The following ME1 variants were observed in gnomAD, a reference collection of about 807,000 sequenced individuals.
ME1 encodes NADP-dependent malic enzyme.
In ME1, 74 loss-of-function variants were observed where a neutral mutation model predicts 66.4. The observed-to-expected ratio is 1.11, with a 90% CI of 0.92 to 1.35. The LOEUF is 1.35. ME1 is among the 40% of genes most tolerant of loss of function. The pLI, the probability that ME1 is intolerant of heterozygous loss-of-function variation, is 0.00. For missense variants in ME1, 750 were observed against 694.1 expected (o/e 1.08, Z -0.90); for synonymous variants, 251 against 235.6 (o/e 1.07, Z -0.60).
intron 3 of ME1, among the ~76,000 whole-genome samples, chr6:83,395,721 G>T (rs561267859): frequency 1.6e-4 from 24 of 151,472 alleles, no homozygotes; most frequent in African/African-American, 5.6e-4. Flanking sequence ...TGATCTGCCC[G>T]CCTCAGCCTC....
At chr6:83,333,891 A>G (rs752572621) in intron 5 of ME1, among the ~76,000 whole-genome samples, 6 of 152,248 alleles carry the variant, frequency 3.9e-5, no homozygotes, top group Non-Finnish European at 8.8e-5. Context: ...GATTAACCAA[A>G]TAATATGTAA....
chr6:83,264,439 G>A (rs1766950972), intron 6 of ME1, among the ~76,000 whole-genome samples: 1 of 152,130 alleles, frequency 6.6e-6, no homozygotes, highest in South Asian at 2.1e-4. Flanking sequence ...TATAGAAAAT[G>A]CACTTCCTAA....
Position 83,402,005 on chromosome 6 carries a change from C to A in ME1, c.213-3489G>T, listed in dbSNP as rs1769849476. Among the ~76,000 whole-genome samples the A allele has an allele frequency of 2.6e-5, 4 of 152,208 alleles. No homozygotes were observed. The South Asian group carries it at 8.3e-4, about 32-fold the overall frequency. On this transcript the variant is annotated intron_variant, in intron 2 of 13. Coordinates refer to ENST00000369705, the MANE Select transcript of ME1 (RefSeq NM_002395.6). Reference sequence around the variant, plus strand: ...TACTATTCATGGACTTACAAAATGCCTTACCTACCCTCATGGTATTCCACA... The same window carrying A: ...TACTATTCATGGACTTACAAAATGCATTACCTACCCTCATGGTATTCCACA...
chr6:83,289,741 G>A (rs1427973044), intron 6 of ME1, among the ~76,000 whole-genome samples: 1 of 152,084 alleles, frequency 6.6e-6, no homozygotes, highest in African/African-American at 2.4e-5. Flanking sequence ...GGTAGAATAC[G>A]GCTGTGAATC....
At chr6:83,425,187 G>A (rs74656091) in intron 1 of ME1, among the ~76,000 whole-genome samples, 1,592 of 151,904 alleles carry the variant, frequency 0.01, 22 homozygotes, top group Middle Eastern at 0.038. Context: ...GTAAAGATGG[G>A]ATTTTGCTAT....
chr6:83,245,054 G>C (rs757072638), intron 7 of ME1, among the ~76,000 whole-genome samples: 91 of 152,022 alleles, frequency 6.0e-4, no homozygotes, highest in Non-Finnish European at 1.1e-3. Context: ...GTATTCCGAG[G>C]AAGAAATAAA....
chr6:83,428,873 C>T (rs918715357), intron 1 of ME1, among the ~76,000 whole-genome samples: 3 of 152,122 alleles, frequency 2.0e-5, no homozygotes, highest in Admixed American at 6.5e-5. Flanking sequence ...TACATCTTAT[C>T]TTTGATAGAA....
chr6:83,247,762 G>A (rs1386601568), intron 7 of ME1, among the ~76,000 whole-genome samples: 2 of 152,158 alleles, frequency 1.3e-5, no homozygotes, highest in African/African-American at 2.4e-5. Context: ...TGCATGATGT[G>A]CACAAAACGG....
chr6:83,350,527 G>A (rs913482944), intron 4 of ME1, among the ~76,000 whole-genome samples: 1 of 151,990 alleles, frequency 6.6e-6, no homozygotes, highest in Admixed American at 6.6e-5. Context: ...GTGTAGTGGT[G>A]TGATCATAGT....
chr6:83,309,573 A>G (rs1293757293), intron 6 of ME1, among the ~76,000 whole-genome samples: 1 of 152,144 alleles, frequency 6.6e-6, no homozygotes, highest in East Asian at 1.9e-4. Context: ...GACATGTTAC[A>G]TATGCTATGT....
chr6:83,413,060 T>G (rs1025763388), intron 1 of ME1, among the ~76,000 whole-genome samples: 1 of 152,328 alleles, frequency 6.6e-6, no homozygotes, highest in East Asian at 1.9e-4. Context: ...ACTAAAAATT[T>G]GTTTAGCAAA....
At chr6:83,250,765 A>G (rs1471641351) in intron 7 of ME1, among the ~76,000 whole-genome samples, 1 of 152,192 alleles carries the variant, frequency 6.6e-6, no homozygotes, top group African/African-American at 2.4e-5. Context: ...ACCCAAGTCA[A>G]CCTACCAACT....
At chr6:83,262,032 A>G (rs989805533) in intron 6 of ME1, among the ~76,000 whole-genome samples, 72 of 149,926 alleles carry the variant, frequency 4.8e-4, no homozygotes, top group Non-Finnish European at 8.9e-4. Flanking sequence ...AAAAAAAAAG[A>G]AAAAAGAAAA....
intron 6 of ME1, among the ~76,000 whole-genome samples, chr6:83,277,248 C>G (rs1767199573): frequency 6.6e-6 from 1 of 152,186 alleles, no homozygotes; most frequent in Non-Finnish European, 1.5e-5. Flanking sequence ...TTCTCATATT[C>G]ACTGTCTATA....
At chr6:83,329,907 C>T (rs1296539830) in intron 5 of ME1, among the ~76,000 whole-genome samples, 1 of 152,146 alleles carries the variant, frequency 6.6e-6, no homozygotes, top group Non-Finnish European at 1.5e-5. Context: ...TCACTATAGC[C>T]TCGAACTCCG....
At chr6:83,283,020 A>G (rs1767328717) in intron 6 of ME1, among the ~76,000 whole-genome samples, 3 of 151,332 alleles carry the variant, frequency 2.0e-5, no homozygotes, top group Non-Finnish European at 4.4e-5. Flanking sequence ...CGAGGTCAGG[A>G]GATCGAGACC....
intron 3 of ME1, among the ~76,000 whole-genome samples, chr6:83,357,902 C>CCT (rs1051682306): frequency 0.014 from 447 of 31,428 alleles, 20 homozygotes; most frequent in African/African-American, 0.021. Flanking sequence ...AATAAACTCC[C>CCT]CTCTCTCTCT....
Position 83,239,515 on chromosome 6 carries a change from A to G in ME1, c.912+24T>C, listed in dbSNP as rs776724282. On this transcript the variant is annotated intron_variant, in intron 8 of 13. Transcript: ENST00000369705. ...TAATTATATGTTAGTTTAGGAGAAC[A>G]TAAGTATTACACAAGGCAAATACCT... 9.4e-6 allele frequency: 14 copies of G among 1,485,676 alleles called. No individual in the cohort carries two copies. In the South Asian group the frequency reaches 1.1e-4, roughly 12 times the overall value. The allele number at this position is 1,485,676 out of a possible 1,614,324, so 92.0% of individuals were successfully genotyped here.
At position 83,237,278 on chromosome 6, in the gene ME1, AGGAAG is replaced by A. The variant is rs1470127930; in HGVS notation, c.1026+434_1026+438del. ...AAGAAAGAAAGAAAGAAAGAAAGAA[AGGAAG>A]GAAGGAAGGAAAGAAAGAAAAAGAA... On this transcript the variant is annotated intron_variant, in intron 9 of 13. Transcript: ENST00000369705. Among the ~76,000 whole-genome samples the A allele has an allele frequency of 3.4e-3, 229 of 67,040 alleles. 14 individuals carry two copies. Among genetic ancestry groups the A allele is most frequent in the African/African-American group, 0.011 (175 of 16,640 alleles). 44.0% of individuals were successfully genotyped at this position (67,040 alleles called of 152,430 possible). A position where few individuals can be genotyped will look rare whatever the true frequency, so the allele number is the denominator to read the frequency against.
Sources: allele counts gnomAD v4.1 joint callset (sites outside exome capture counted in the v4.1 genomes callset), GRCh38; gene constraint gnomAD v4.1.1; transcripts MANE v1.5; gene names NCBI Gene and HGNC (gene_info 2026-07-23, HGNC 2026-07-21).